The following DSP variants were observed in gnomAD, a reference collection of about 807,000 sequenced individuals.
DSP encodes desmoplakin.
Under a neutral mutation model 290.6 loss-of-function variants are expected in DSP, and 114 were observed. That is an observed-to-expected ratio of 0.39 (90% confidence interval 0.34 to 0.46). The LOEUF is 0.46. Ranked by LOEUF, DSP falls within the 20% of genes least tolerant of loss-of-function variation. The pLI, the probability that DSP is intolerant of heterozygous loss-of-function variation, is 0.99. For synonymous variants in DSP, 1,311 were observed against 1,316.4 expected, an observed-to-expected ratio of 1.00 and a Z score of 0.09; for missense variants, 3,230 against 3,495.8, an observed-to-expected ratio of 0.92 and a Z score of 1.92.
At position 7,563,771 on chromosome 6, in the gene DSP, G is replaced by T. The variant is rs1406835654; in HGVS notation, c.762G>T (p.Glu254Asp). Residue 254 changes from glutamate (E) to aspartate (D), a missense_variant, in exon 6 of 24, where the codon GAG becomes GAT. Glu to Asp is a conservative substitution (Grantham distance 45). Coordinates refer to ENST00000379802, the MANE Select transcript of DSP (RefSeq NM_004415.4). ...EKSAIYQLEE[E>D]YENLLKASFE... is the part of the protein sequence containing the mutation. ...CTGCGATCTACCAGTTGGAGGAGGA[G>T]TATGAAAACCTGCTGGTAAGCTGAT... The T allele has an allele frequency of 6.2e-7, 1 of 1,613,826 alleles. No homozygotes were observed. Among genetic ancestry groups the T allele is most frequent in the African/African-American group, 1.3e-5 (1 of 75,032 alleles).
rs1351265258 is a variant in DSP, at chr6:7,572,047, A to G, written c.2109A>G (p.Thr703=). The G allele has an allele frequency of 2.5e-6, 4 of 1,614,176 alleles. No homozygotes were observed. Among genetic ancestry groups the G allele is most frequent in the South Asian group, 1.1e-5 (1 of 91,086 alleles). The change falls in exon 15 of 24, where the codon ACA becomes ACG. Residue 703 remains threonine (T), a synonymous_variant. Coordinates refer to ENST00000379802, the MANE Select transcript of DSP (RefSeq NM_004415.4). ...ACCAGGGATCTTCTCACCACATCACAGTGAAAATTAACGAGCTTAAGGTAG... is the reference window on the plus strand; with the variant it reads ...ACCAGGGATCTTCTCACCACATCACGGTGAAAATTAACGAGCTTAAGGTAG... ...LADQGSSHHI[T]VKINELKSVQ... is the part of the protein sequence containing the mutation.
chr6:7,552,854 G>A (rs1445508950), intron 1 of DSP, among the ~76,000 whole-genome samples: 1 of 152,042 alleles, frequency 6.6e-6, no homozygotes, highest in Non-Finnish European at 1.5e-5. Flanking sequence ...CCTTTATCCT[G>A]GATGTAATTC....
chr6:7,553,740 AT>A (rs1295564869), intron 1 of DSP, among the ~76,000 whole-genome samples: 2 of 152,124 alleles, frequency 1.3e-5, no homozygotes, highest in African/African-American at 4.8e-5. Flanking sequence ...GACTGGTTGC[AT>A]TGGTGGTGGG....
intron 7 of DSP, among the ~76,000 whole-genome samples, 184 bp from the exon 8 acceptor site, chr6:7,566,193 C>T (rs1295277243): frequency 6.6e-6 from 1 of 152,166 alleles, no homozygotes; most frequent in Non-Finnish European, 1.5e-5. Context: ...GCCACATCCT[C>T]TCCTGTAGCA....
In DSP at chr6:7,563,833, A is replaced by T. The variant is rs776292608; in HGVS notation, c.777+47A>T. The T allele has an allele frequency of 1.9e-6, 3 of 1,559,188 alleles. No homozygotes were observed. The Admixed American group carries it at 5.0e-5, about 26-fold the overall frequency. On this transcript the variant is annotated intron_variant, in intron 6 of 23. Transcript: ENST00000379802. ...GTGCATCGACTTTCTGTTGTTTCCA[A>T]TTCAATTCAGTTCAAGAAATATCAA...
intron 1 of DSP, among the ~76,000 whole-genome samples, chr6:7,554,127 C>CACACACACACACACACACACA (rs1171658955): frequency 3.8e-4 from 9 of 23,970 alleles, no homozygotes; most frequent in African/African-American, 7.6e-4. Flanking sequence ...ACACACACAC[C>CACACACACACACACACACACA]CAGTTGGTTA....
At chr6:7,559,507 C>A in intron 4 of DSP, 107 bp downstream of exon 4, 1 of 1,414,056 alleles carries the variant, frequency 7.1e-7, no homozygotes, top group Non-Finnish European at 9.8e-7. Flanking sequence ...CCTCAGGTGG[C>A]GGCAGCAGCT....
rs1239613725 is a variant in DSP, at chr6:7,575,285, C to CA, written c.2437-9dup. 2 of 1,597,980 alleles carry CA rather than the reference C, an allele frequency of 1.3e-6. No individual in the cohort carries two copies. Among genetic ancestry groups the CA allele is most frequent in the Non-Finnish European group, 1.7e-6 (2 of 1,173,978 alleles). ...ATTAATTTGCAATCTTTTTTTTTTTCATCTTGCAGAAAATAAAAAATGACT... is the reference window on the plus strand; with the variant it reads ...ATTAATTTGCAATCTTTTTTTTTTTCAATCTTGCAGAAAATAAAAAATGACT... On this transcript the variant is annotated splice_polypyrimidine_tract_variant and intron_variant, in intron 17 of 23. Transcript: ENST00000379802.
At chr6:7,575,510 C>G in intron 18 of DSP, 22 bp downstream of exon 18, 7 of 1,613,762 alleles carry the variant, frequency 4.3e-6, no homozygotes, top group Non-Finnish European at 5.9e-6. Flanking sequence ...TCCTCCCGCT[C>G]CTTCCCCATC....
chr6:7,552,380 AC>A (rs1302070072), intron 1 of DSP, among the ~76,000 whole-genome samples: 1 of 146,402 alleles, frequency 6.8e-6, no homozygotes, highest in Non-Finnish European at 1.5e-5. Context: ...ACATGGTGAA[AC>A]CCCATCTCTA....
intron 1 of DSP, among the ~76,000 whole-genome samples, chr6:7,555,063 A>G (rs1428998983): frequency 6.6e-6 from 1 of 152,126 alleles, no homozygotes; most frequent in Admixed American, 6.5e-5. Context: ...CTTCCTGCAG[A>G]GGGACTTGTG....
rs1049837085 is a variant in DSP, at chr6:7,569,841, A to T, written c.1574+501A>T. Among the ~76,000 whole-genome samples, 331 of 152,326 alleles carry T rather than the reference A, an allele frequency of 2.2e-3. 1 individual carries two copies. Among genetic ancestry groups the T allele is most frequent in the African/African-American group, 7.4e-3 (308 of 41,582 alleles). The stretch of plus-strand genomic sequence containing the variant: ...GAGAGCAAAACTCCATCTCAAAAAA[A>T]AAAAAGGAATGTCTGACTGTAGTGG... On this transcript the variant is annotated intron_variant, in intron 12 of 23. Coordinates refer to ENST00000379802, the MANE Select transcript of DSP (RefSeq NM_004415.4).
In DSP at chr6:7,580,388, C is replaced by A. The variant is rs770873593; in HGVS notation, c.4198C>A (p.Arg1400=). 4 of 1,613,868 alleles carry A rather than the reference C, an allele frequency of 2.5e-6. No individual in the cohort carries two copies. Among genetic ancestry groups the A allele is most frequent in the Non-Finnish European group, 3.4e-6 (4 of 1,180,012 alleles). Residue 1400 remains arginine, a synonymous_variant, in exon 23 of 24, where the codon CGA becomes AGA. Coordinates refer to ENST00000379802, the MANE Select transcript of DSP (RefSeq NM_004415.4). This position sits in a 1 kb window ranked among gnomAD's most constrained non-coding sequence, Gnocchi z 4.2. ...GYRAQIDNLT[R]ENRSLSEEIK... ...CCGGGCTCAGATAGACAATCTCACC[C>A]GAGAAAACAGGAGCTTATCTGAAGA...
intron 16 of DSP, 71 bp downstream of exon 16, chr6:7,574,323 T>C: frequency 6.8e-7 from 1 of 1,468,860 alleles, no homozygotes; most frequent in Non-Finnish European, 9.5e-7. Flanking sequence ...TCATTTGCTT[T>C]AGATGCTTGC....
chr6:7,583,909 C>T lies in DSP; in HGVS notation c.6647C>T (p.Pro2216Leu). The T allele has an allele frequency of 6.2e-7, 1 of 1,614,120 alleles. No homozygotes were observed. The highest frequency in any genetic ancestry group is 2.2e-5 in the East Asian group (1 of 44,886). The change falls in exon 24 of 24, where the codon CCT (proline) becomes CTT (leucine). Residue 2216 changes from proline to leucine, a missense_variant. Around this residue, in one of 5 missense-constraint regions of DSP, gnomAD observed 207 missense variants for 281.2 expected, o/e 0.74. Coordinates refer to ENST00000379802, the MANE Select transcript of DSP (RefSeq NM_004415.4). This position sits in a 1 kb window ranked among gnomAD's most constrained non-coding sequence, Gnocchi z 4.0. ...ATGTCCTTCCAAGGAATCAGACAAC[C>T]TGTGACCGTCACTGAGCTAGTAGAT... ...RSMSFQGIRQ[P>L]VTVTELVDSG...
In DSP at chr6:7,580,038, A is replaced by C. The variant is rs750111052; in HGVS notation, c.3848A>C (p.Glu1283Ala). Residue 1283 changes from glutamate (E) to alanine (A), a missense_variant, in exon 23 of 24, where the codon GAG becomes GCG. Around this residue, in one of 5 missense-constraint regions of DSP, gnomAD observed 1,714 missense variants for 1,844.5 expected, o/e 0.93. Coordinates refer to ENST00000379802, the MANE Select transcript of DSP (RefSeq NM_004415.4). The surrounding 1 kb of genome is among the most constrained non-coding windows in gnomAD (Gnocchi z 4.2). ...CTTCAGCAAAAGGCCTGTGGCTCTG[A>C]GATAATGCAGAAGAAGCAGCATCTG... is the stretch of plus-strand genomic sequence containing the variant. ...NALQQKACGS[E>A]IMQKKQHLEI... 2 of 1,614,142 alleles carry C rather than the reference A, an allele frequency of 1.2e-6. No individual in the cohort carries two copies. The highest frequency in any genetic ancestry group is 1.7e-6 in the Non-Finnish European group (2 of 1,180,024).
At chr6:7,563,156 C>T (rs1340787448) in intron 5 of DSP, among the ~76,000 whole-genome samples, 1 of 152,166 alleles carries the variant, frequency 6.6e-6, no homozygotes, top group Non-Finnish European at 1.5e-5. Context: ...GTAATTAAAA[C>T]ATTATTTCTA....
chr6:7,566,575 C>T (rs1758872001), intron 8 of DSP, 94 bp downstream of exon 8: 2 of 1,023,732 alleles, frequency 2.0e-6, no homozygotes, highest in Middle Eastern at 2.1e-4. Flanking sequence ...TGACTTAAAG[C>T]CGTGCCAACT....
At position 7,586,004 on chromosome 6, in the gene DSP, T is replaced by C. The variant is rs894712822; in HGVS notation, c.*126T>C. The C allele has an allele frequency of 2.8e-5, 28 of 985,810 alleles. No individual in the cohort carries two copies. Among genetic ancestry groups the C allele is most frequent in the Non-Finnish European group, 3.8e-5 (25 of 651,848 alleles). 61.1% of individuals were successfully genotyped at this position (985,810 alleles called of 1,614,324 possible). A position where few individuals can be genotyped will look rare whatever the true frequency, so the allele number is the denominator to read the frequency against. Reference sequence around the variant, plus strand: ...TAGGACATTCTATGCTTACAGAAAATATAGCCATGATTGAAATCAAATAGT... The same window carrying C: ...TAGGACATTCTATGCTTACAGAAAACATAGCCATGATTGAAATCAAATAGT... On this transcript the variant is annotated 3_prime_UTR_variant, in exon 24 of 24. Coordinates refer to ENST00000379802, the MANE Select transcript of DSP (RefSeq NM_004415.4).
Sources: allele counts gnomAD v4.1 joint callset (sites outside exome capture counted in the v4.1 genomes callset), GRCh38; gene constraint gnomAD v4.1.1; regional missense constraint gnomAD v4.1.1; non-coding constraint Gnocchi (gnomAD v3.1); transcripts MANE v1.5; gene names NCBI Gene and HGNC (gene_info 2026-07-23, HGNC 2026-07-21).